SLC5A4: variants seen among roughly 807,000 people sequenced by gnomAD.
SLC5A4 encodes probable glucose sensor protein SLC5A4.
SLC5A4 carries 55 observed loss-of-function variants against 70.3 expected under a neutral mutation model. The observed-to-expected ratio is 0.78, with a 90% confidence interval of 0.63 to 0.98. The LOEUF (loss-of-function observed/expected upper bound fraction) is 0.98, where lower values mean the gene tolerates loss of function less well. SLC5A4 is among the 50% of genes least tolerant of loss of function. The probability of loss-of-function intolerance (pLI) is 0.00; values close to 1 mark genes in which losing one functional copy is unlikely to be tolerated. For synonymous variants in SLC5A4, 268 were observed against 305.7 expected, an observed-to-expected ratio of 0.88 and a Z score of 1.29; for missense variants, 735 against 839.2, an observed-to-expected ratio of 0.88 and a Z score of 1.53.
chr22:32,235,919 G>A (rs1421686102), intron 7 of SLC5A4, among the ~76,000 whole-genome samples: 4 of 152,190 alleles, frequency 2.6e-5, no homozygotes, highest in South Asian at 4.1e-4. Flanking sequence ...GAACTTAGCC[G>A]AGTGGAGGAT....
At chr22:32,328,759 G>T in the SLC5A4 span, among the ~76,000 whole-genome samples, 1 of 152,190 alleles carries the variant, frequency 6.6e-6, no homozygotes, top group African/African-American at 2.4e-5. Flanking sequence ...TGACTTGTGG[G>T]GTACCTTGTT....
At chr22:32,220,243 C>T (rs1924999859) in intron 14 of SLC5A4, among the ~76,000 whole-genome samples, 1 of 152,126 alleles carries the variant, frequency 6.6e-6, no homozygotes, top group Non-Finnish European at 1.5e-5. Flanking sequence ...GCCAGTCATA[C>T]TCAGGAATGC....
the SLC5A4 span, among the ~76,000 whole-genome samples, chr22:32,346,686 C>T: frequency 7.2e-6 from 1 of 139,266 alleles, no homozygotes; most frequent in African/African-American, 2.9e-5. Flanking sequence ...TTCCTTACAC[C>T]TTATACAAAA....
chr22:32,260,001 A>G (rs891743402), upstream of SLC5A4, among the ~76,000 whole-genome samples: 5 of 152,222 alleles, frequency 3.3e-5, no homozygotes, highest in Non-Finnish European at 1.5e-5. Context: ...CAGGAAGGGC[A>G]GGGGAGCAGC....
At chr22:32,230,066 C>T (rs1447668910) in intron 10 of SLC5A4, among the ~76,000 whole-genome samples, 2 of 152,176 alleles carry the variant, frequency 1.3e-5, no homozygotes, top group African/African-American at 4.8e-5. Flanking sequence ...ATGGGAACTT[C>T]ATCCTCCAGT....
the SLC5A4 span, among the ~76,000 whole-genome samples, chr22:32,303,035 TTTTC>T: frequency 0.12 from 18,023 of 151,904 alleles, 1,409 homozygotes; most frequent in Non-Finnish European, 0.18. Context: ...TACTTATTTT[TTTTC>T]TTTTTTTAAG....
chr22:32,237,777 G>GAACAAC (rs962272899), intron 6 of SLC5A4, among the ~76,000 whole-genome samples: 2 of 151,846 alleles, frequency 1.3e-5, no homozygotes, highest in East Asian at 1.9e-4. Context: ...CTGTAGTGTT[G>GAACAAC]AACAACAACA....
the SLC5A4 span, among the ~76,000 whole-genome samples, chr22:32,334,298 C>G: frequency 1.3e-5 from 2 of 152,154 alleles, no homozygotes; most frequent in Non-Finnish European, 2.9e-5. Flanking sequence ...TAACAATGCA[C>G]GACCCTGTGC....
intron 10 of SLC5A4, among the ~76,000 whole-genome samples, chr22:32,229,962 C>T (rs990988469): frequency 6.6e-6 from 1 of 152,178 alleles, no homozygotes; most frequent in African/African-American, 2.4e-5. Context: ...TGTTGGCTTC[C>T]TGAAGACTTA....
At chr22:32,248,358 A>G (rs1299719091) in intron 4 of SLC5A4, among the ~76,000 whole-genome samples, 1 of 152,176 alleles carries the variant, frequency 6.6e-6, no homozygotes, top group Non-Finnish European at 1.5e-5. Flanking sequence ...TTCCTCTCTC[A>G]GGAAATCAAC....
chr22:32,234,441 G>C (rs1569371191), intron 8 of SLC5A4, among the ~76,000 whole-genome samples: 1 of 152,186 alleles, frequency 6.6e-6, no homozygotes, highest in African/African-American at 2.4e-5. Context: ...GCTCACCCCT[G>C]TAATCTCAGC....
At chr22:32,283,104 C>A in the SLC5A4 span, among the ~76,000 whole-genome samples, 1 of 152,244 alleles carries the variant, frequency 6.6e-6, no homozygotes, top group Non-Finnish European at 1.5e-5. Context: ...TGGCTCCCTG[C>A]ACCTTCTCTA....
At chr22:32,271,528 C>G in the SLC5A4 span, 5 of 709,646 alleles carry the variant, frequency 7.0e-6, no homozygotes, top group Non-Finnish European at 1.3e-5. Context: ...CCGAAGCCAT[C>G]CAAGAAGAAA....
the SLC5A4 span, chr22:32,273,093 G>A: frequency 1.8e-4 from 89 of 491,452 alleles, no homozygotes; most frequent in African/African-American, 1.5e-3. Context: ...GACAGATGGC[G>A]TCACTGCCCA....
At chr22:32,262,765 T>C in the SLC5A4 span, among the ~76,000 whole-genome samples, 1 of 151,496 alleles carries the variant, frequency 6.6e-6, no homozygotes, top group Non-Finnish European at 1.5e-5. Context: ...ACTACATTTT[T>C]ATTTTTATTT....
chr22:32,330,980 TGTG>T, the SLC5A4 span, among the ~76,000 whole-genome samples: 41 of 115,522 alleles, frequency 3.5e-4, 1 homozygote, highest in Non-Finnish European at 3.8e-4. Context: ...CACTGGTGTG[TGTG>T]TTGGGGGCTC....
chr22:32,328,657 G>A, the SLC5A4 span, among the ~76,000 whole-genome samples: 1 of 152,162 alleles, frequency 6.6e-6, no homozygotes, highest in Non-Finnish European at 1.5e-5. Context: ...GCAGCCTCCT[G>A]AGAGACCCCA....
chr22:32,350,215 C>T, the SLC5A4 span, among the ~76,000 whole-genome samples: 8,659 of 152,162 alleles, frequency 0.057, 257 homozygotes, highest in South Asian at 0.085. Flanking sequence ...CAAAGACTAC[C>T]GAAATAATTC....
At chr22:32,242,689 A>G (rs1926606802) in intron 5 of SLC5A4, among the ~76,000 whole-genome samples, 1 of 152,228 alleles carries the variant, frequency 6.6e-6, no homozygotes, top group African/African-American at 2.4e-5. Flanking sequence ...AGCCTGGGCG[A>G]CAGAGTGAGA....
Sources: allele counts gnomAD v4.1 joint callset (sites outside exome capture counted in the v4.1 genomes callset), GRCh38; gene constraint gnomAD v4.1.1; transcripts MANE v1.5; gene names NCBI Gene and HGNC (gene_info 2026-07-23, HGNC 2026-07-21).